Variants in TRIM9 observed in about 807,000 individuals in gnomAD.
TRIM9 encodes tripartite motif containing 9, also known as E3 ubiquitin-protein ligase TRIM9.
In TRIM9, 26 loss-of-function variants were observed where a neutral mutation model predicts 78.3. That is an observed-to-expected ratio of 0.33 (90% CI 0.24 to 0.46). TRIM9 has a LOEUF of 0.46. Among genes scored for constraint, TRIM9 ranks in the 20% least tolerant of loss-of-function variants. The probability of loss-of-function intolerance (pLI) is 1.00; values close to 1 mark genes in which losing one functional copy is unlikely to be tolerated. For missense variants in TRIM9, 787 were observed against 1,036.4 expected (o/e 0.76, Z 3.30); for synonymous variants, 398 against 416.5 (o/e 0.96, Z 0.54).
At chr14:51,021,354 T>C (rs979117332) in intron 3 of TRIM9, among the ~76,000 whole-genome samples, 5 of 152,228 alleles carry the variant, frequency 3.3e-5, no homozygotes, top group Non-Finnish European at 5.9e-5. Context: ...CAATTTGGAC[T>C]GCTCAGGTGC....
rs147035348 is a variant in TRIM9 at position 51,048,629 on chromosome 14, G to A, written c.823-23269C>T. 5.1e-3 allele frequency among the ~76,000 whole-genome samples: 777 copies of A among 152,210 alleles called. 9 individuals are homozygous for A. The highest frequency in any genetic ancestry group is 0.018 in the African/African-American group (749 of 41,530). ...GCTTTCATAGGTGTGTGTCTAGGGT[G>A]TCGTGTAATCAATGAAAGGAAGCAC... is the stretch of plus-strand genomic sequence containing the variant. On this transcript the variant is annotated intron_variant, in intron 1 of 12. Coordinates refer to ENST00000684578, the MANE Select transcript of TRIM9 (RefSeq NM_001387360.1).
At chr14:51,014,297 T>C (rs2056906522) in intron 3 of TRIM9, among the ~76,000 whole-genome samples, 1 of 152,216 alleles carries the variant, frequency 6.6e-6, no homozygotes, top group African/African-American at 2.4e-5. Context: ...GAAGCTTAAT[T>C]GTTGCACTGC....
In TRIM9 at chr14:51,020,690, T is replaced by A. The variant is rs2057674781; in HGVS notation, c.1041+2145A>T. Reference sequence around the variant, plus strand: ...ACATCTGCAGCCACAGCACAGTCCTTAACTGATTTTCACACAGTCCTGTTC... The same window carrying A: ...ACATCTGCAGCCACAGCACAGTCCTAAACTGATTTTCACACAGTCCTGTTC... On this transcript the variant is annotated intron_variant, in intron 3 of 12. Transcript: ENST00000684578. Among the ~76,000 whole-genome samples, 3 of 152,352 alleles carry A rather than the reference T, an allele frequency of 2.0e-5. No homozygotes were observed. In the South Asian group the frequency reaches 6.2e-4, roughly 32 times the overall value.
chr14:51,053,509 CTTTTTTT>C (rs201980160), intron 1 of TRIM9, among the ~76,000 whole-genome samples: 3 of 113,788 alleles, frequency 2.6e-5, no homozygotes, highest in East Asian at 2.6e-4. Context: ...AACAGGTATT[CTTTTTTT>C]TTTTTTTTTT....
At position 50,997,161 on chromosome 14, in the gene TRIM9, A is replaced by T. The variant is rs932050586; in HGVS notation, c.1603+889T>A. 4 of 985,336 alleles carry T rather than the reference A, an allele frequency of 4.1e-6. No individual in the cohort carries two copies. The African/African-American group carries it at 7.0e-5, about 17-fold the overall frequency. 61.0% of individuals were successfully genotyped at this position (985,336 alleles called of 1,614,324 possible). A position where few individuals can be genotyped will look rare whatever the true frequency, so the allele number is the denominator to read the frequency against. On this transcript the variant is annotated intron_variant, in intron 7 of 12. Coordinates refer to ENST00000684578, the MANE Select transcript of TRIM9 (RefSeq NM_001387360.1). ...CAAAGTGTCAGAATGCTTTGGCACC[A>T]GCCACAAATACCTCCTTGTAGGTTT...
At position 50,986,083 on chromosome 14, in the gene TRIM9, A is replaced by G. The variant is rs1483851923; in HGVS notation, c.1665T>C (p.Arg555=). 6.5e-7 allele frequency: 1 copy of G among 1,548,602 alleles called. No homozygotes were observed. Among genetic ancestry groups the G allele is most frequent in the South Asian group, 1.2e-5 (1 of 83,714 alleles). The change falls in exon 8 of 13, where the codon CGT becomes CGC. Residue 555 remains arginine, a synonymous_variant. Coordinates refer to ENST00000684578, the MANE Select transcript of TRIM9 (RefSeq NM_001387360.1). ...GGGTGGAGGAGAAAGGACTCATTCTACGGAGCGGCAATCTTTCCGAAGGCA... is the reference window on the plus strand; with the variant it reads ...GGGTGGAGGAGAAAGGACTCATTCTGCGGAGCGGCAATCTTTCCGAAGGCA... ...FPVPSERLPL[R]RMSPFSSTLN...
At chr14:50,978,928 C>T (rs1384184200) in intron 12 of TRIM9, 1 of 1,043,404 alleles carries the variant, frequency 9.6e-7, no homozygotes, top group Non-Finnish European at 1.2e-6. Flanking sequence ...TTTTCTACCC[C>T]TTAGGACCTA....
At chr14:51,057,398 T>C (rs1157019447) in intron 1 of TRIM9, among the ~76,000 whole-genome samples, 2 of 152,250 alleles carry the variant, frequency 1.3e-5, no homozygotes, top group Non-Finnish European at 2.9e-5. Flanking sequence ...AAGAAGGTTA[T>C]AATGGAAGTA....
intron 1 of TRIM9, among the ~76,000 whole-genome samples, chr14:51,076,950 A>G (rs1407676372): frequency 6.6e-6 from 1 of 152,026 alleles, no homozygotes; most frequent in East Asian, 1.9e-4. Flanking sequence ...AGTCCCCACT[A>G]TGGTTTTATT....
chr14:50,999,916 C>T (rs1172976372), intron 6 of TRIM9, among the ~76,000 whole-genome samples: 1 of 152,148 alleles, frequency 6.6e-6, no homozygotes, highest in Non-Finnish European at 1.5e-5. Context: ...TCTGGTGGTA[C>T]CACAGCTGTG....
intron 7 of TRIM9, chr14:50,996,120 C>T (rs964166771): frequency 2.0e-6 from 2 of 985,260 alleles, no homozygotes; most frequent in Non-Finnish European, 2.4e-6. Context: ...TACTTCTGTG[C>T]AGTAACAGAG....
intron 5 of TRIM9, among the ~76,000 whole-genome samples, chr14:51,004,975 C>A (rs140882967): frequency 4.8e-4 from 73 of 152,354 alleles, no homozygotes; most frequent in Non-Finnish European, 7.9e-4. Flanking sequence ...ACTGTGTTAT[C>A]TTCTCTGAAG....
chr14:51,014,252 C>A (rs2056902182), intron 3 of TRIM9, among the ~76,000 whole-genome samples: 1 of 152,154 alleles, frequency 6.6e-6, no homozygotes, highest in Non-Finnish European at 1.5e-5. Flanking sequence ...GCTGAAGGAG[C>A]TATCTGAGTG....
In TRIM9 at chr14:51,028,714, A is replaced by G. The variant is rs150555941; in HGVS notation, c.823-3354T>C. On this transcript the variant is annotated intron_variant, in intron 1 of 12. Coordinates refer to ENST00000684578, the MANE Select transcript of TRIM9 (RefSeq NM_001387360.1). ...GGATATTTGTTTTCTAGGTTACTGA[A>G]AAGGTGTCACGATCTGAAGGTGAAT... Among the ~76,000 whole-genome samples, 610 of 152,304 alleles carry G rather than the reference A, an allele frequency of 4.0e-3. 3 individuals are homozygous for G. The highest frequency in any genetic ancestry group is 6.5e-3 in the Non-Finnish European group (439 of 68,022).
At chr14:51,024,552 G>A (rs993609361) in intron 2 of TRIM9, among the ~76,000 whole-genome samples, 1 of 152,134 alleles carries the variant, frequency 6.6e-6, no homozygotes, top group Non-Finnish European at 1.5e-5. Context: ...CAGTACAGAA[G>A]GTCATTATTT....
At chr14:51,061,794 G>T (rs1378941226) in intron 1 of TRIM9, among the ~76,000 whole-genome samples, 1 of 152,066 alleles carries the variant, frequency 6.6e-6, no homozygotes, top group Non-Finnish European at 1.5e-5. Flanking sequence ...CCTACTCAGG[G>T]TTCTGTAAGC....
chr14:51,083,917 G>C (rs72687170), intron 1 of TRIM9, among the ~76,000 whole-genome samples: 53,497 of 152,000 alleles, frequency 0.35, 9,756 homozygotes, highest in Admixed American at 0.42. Context: ...TATGATTCTA[G>C]GCCATCACTC....
At chr14:51,040,568 C>T (rs998809271) in intron 1 of TRIM9, among the ~76,000 whole-genome samples, 8 of 152,206 alleles carry the variant, frequency 5.3e-5, no homozygotes, top group Non-Finnish European at 2.9e-5. Flanking sequence ...ATCCTCTGCT[C>T]ATACTTTTAC....
intron 1 of TRIM9, among the ~76,000 whole-genome samples, chr14:51,068,157 C>T (rs1283174161): frequency 6.6e-6 from 1 of 152,184 alleles, no homozygotes; most frequent in East Asian, 1.9e-4. Flanking sequence ...AGGTGATGGT[C>T]TGCAGACCAC....
Sources: gnomAD v4.1 joint callset for allele counts (sites outside exome capture counted in the v4.1 genomes callset) on GRCh38, gnomAD v4.1.1 for gene constraint, MANE v1.5 for transcripts, NCBI Gene and HGNC (gene_info 2026-07-23, HGNC 2026-07-21) for gene names.